ACSS3: variants seen among roughly 807,000 people sequenced by gnomAD.
ACSS3 encodes acyl-CoA synthetase short-chain family member 3, mitochondrial.
In ACSS3, 64 loss-of-function variants were observed where a neutral mutation model predicts 84.2. The ratio of observed to expected loss-of-function variants is 0.76; its 90% CI spans 0.62 to 0.94. The LOEUF (loss-of-function observed/expected upper bound fraction) is 0.94, where lower values mean the gene tolerates loss of function less well. Among genes scored for constraint, ACSS3 ranks in the 40% least tolerant of loss-of-function variants. The pLI is 0.00. For synonymous variants in ACSS3, 317 were observed against 310.1 expected (o/e 1.02, Z -0.23); for missense variants, 815 against 867.6 (o/e 0.94, Z 0.76).
chr12:81,082,612 C>G (rs553323140), intron 1 of ACSS3, among the ~76,000 whole-genome samples: 1 of 152,154 alleles, frequency 6.6e-6, no homozygotes, highest in African/African-American at 2.4e-5. Flanking sequence ...AGAAAATTAT[C>G]TTGAGATGGA....
chr12:81,129,846 A>G (rs1008227039), intron 2 of ACSS3, among the ~76,000 whole-genome samples: 2 of 138,566 alleles, frequency 1.4e-5, no homozygotes, highest in African/African-American at 5.5e-5. Flanking sequence ...TCATTGTTCA[A>G]TTCCCACCTA....
rs146691767 is a variant in ACSS3 at position 81,218,546 on chromosome 12, A to G, written c.1451-1467A>G. 1.9e-3 allele frequency among the ~76,000 whole-genome samples: 294 copies of G among 152,272 alleles called. 1 individual carries two copies. The highest frequency in any genetic ancestry group is 6.9e-3 in the African/African-American group (286 of 41,564). On this transcript the variant is annotated intron_variant, in intron 10 of 15. Transcript: ENST00000548058. ...AGATTTTTTTTTTATTCAAGGCGGAAATAGATATTCTGTGAAGTCAGTGAC... is the reference window on the plus strand; with the variant it reads ...AGATTTTTTTTTTATTCAAGGCGGAGATAGATATTCTGTGAAGTCAGTGAC...
intron 8 of ACSS3, among the ~76,000 whole-genome samples, chr12:81,195,950 A>T (rs2031806047): frequency 6.6e-6 from 1 of 152,132 alleles, no homozygotes; most frequent in Admixed American, 6.6e-5. Flanking sequence ...AGTGGATTGT[A>T]CCATTATGTG....
chr12:81,199,618 C>G, intron 9 of ACSS3, 174 bp downstream of exon 9: 1 of 1,497,324 alleles, frequency 6.7e-7, no homozygotes, highest in South Asian at 1.2e-5. Context: ...TTAATAATGT[C>G]TTCATAAGTG....
intron 2 of ACSS3, chr12:81,125,611 T>C (rs575999442): frequency 6.6e-6 from 1 of 152,318 alleles, no homozygotes; most frequent in East Asian, 1.9e-4. Context: ...TCTTTTTCCA[T>C]TTTACACATC....
chr12:81,197,528 CA>C (rs2031895100), intron 8 of ACSS3, among the ~76,000 whole-genome samples: 1 of 152,140 alleles, frequency 6.6e-6, no homozygotes, highest in Admixed American at 6.6e-5. Context: ...ATCAACAAGT[CA>C]CAGACTTTCT....
rs183000871 is a variant in ACSS3 at position 81,151,831 on chromosome 12, T to C, written c.922-13T>C. ...TTGTTTATTGATTTTAATTTCACTTTTTCTCTCCTTAGGGTGTGATTAGGC... is the reference window on the plus strand; with the variant it reads ...TTGTTTATTGATTTTAATTTCACTTCTTCTCTCCTTAGGGTGTGATTAGGC... On this transcript the variant is annotated splice_polypyrimidine_tract_variant and intron_variant, in intron 5 of 15. Transcript: ENST00000548058. 2.2e-5 allele frequency: 35 copies of C among 1,607,178 alleles called. No individual in the cohort carries two copies. The Admixed American group carries it at 5.8e-4, about 26-fold the overall frequency.
At chr12:81,081,777 A>G (rs1422031857) in intron 1 of ACSS3, among the ~76,000 whole-genome samples, 1 of 152,248 alleles carries the variant, frequency 6.6e-6, no homozygotes, top group Non-Finnish European at 1.5e-5. Context: ...CAGTGACTAT[A>G]AACCAAAAAG....
intron 1 of ACSS3, among the ~76,000 whole-genome samples, chr12:81,107,511 CATATATATATATATATATATAT>C (rs566270568): frequency 0.033 from 1,272 of 38,846 alleles, 87 homozygotes; most frequent in African/African-American, 0.095. Flanking sequence ...CAAATATATA[CATATATATATATATATATATAT>C]ATATATATAT....
At position 81,216,967 on chromosome 12, in the gene ACSS3, A is replaced by G. The variant is rs1407358229; in HGVS notation, c.1421A>G (p.Gln474Arg). 5 of 1,610,908 alleles carry G rather than the reference A, an allele frequency of 3.1e-6. No homozygotes were observed. Among genetic ancestry groups the G allele is most frequent in the Non-Finnish European group, 4.2e-6 (5 of 1,177,732 alleles). The stretch of plus-strand genomic sequence containing the variant: ...AATTCTAAAACACCTCCACCAGGGC[A>G]AGCAGGAAAAAGCGTCCCAGGATAC... ...LGNSKTPPPGQAGKSVPGYNV... is the reference protein window; with the variant it reads ...LGNSKTPPPGRAGKSVPGYNV... Residue 474 changes from glutamine (Q) to arginine (R), a missense_variant, in exon 10 of 16, where the codon CAA (glutamine) becomes CGA (arginine). Transcript: ENST00000548058.
At chr12:81,230,488 G>A (rs916106102) in intron 11 of ACSS3, among the ~76,000 whole-genome samples, 7 of 151,790 alleles carry the variant, frequency 4.6e-5, no homozygotes, top group African/African-American at 9.7e-5. Context: ...GCATTTCCAT[G>A]TGTTTATAGA....
Position 81,253,342 on chromosome 12 carries a change from T to C in ACSS3, c.1755T>C (p.Ala585=). The C allele has an allele frequency of 6.2e-7, 1 of 1,614,032 alleles. No individual in the cohort carries two copies. The highest frequency in any genetic ancestry group is 1.1e-5 in the South Asian group (1 of 91,082). The change falls in exon 14 of 16, where the codon GCT becomes GCC. Residue 585 remains alanine (A), a synonymous_variant. Coordinates refer to ENST00000548058, the MANE Select transcript of ACSS3 (RefSeq NM_024560.4). ...CCCATGGTACCGTGGCAGACTGTGC[T>C]GTTGTTGGCAAGGAAGATCCCTTAA... The part of the protein sequence containing the change: ...ILSHGTVADC[A]VVGKEDPLKG...
At chr12:81,151,389 T>C (rs1478036950) in intron 5 of ACSS3, among the ~76,000 whole-genome samples, 4 of 152,194 alleles carry the variant, frequency 2.6e-5, no homozygotes, top group Non-Finnish European at 5.9e-5. Context: ...AATATGACTT[T>C]GTTTCCTCCA....
intron 7 of ACSS3, among the ~76,000 whole-genome samples, chr12:81,171,390 A>G (rs2030033482): frequency 6.6e-6 from 1 of 152,148 alleles, no homozygotes; most frequent in South Asian, 2.1e-4. Context: ...TGAATTTGAC[A>G]TTGAATAGAA....
chr12:81,200,301 C>G (rs754019537), intron 9 of ACSS3, among the ~76,000 whole-genome samples: 19 of 152,272 alleles, frequency 1.2e-4, no homozygotes, highest in Admixed American at 4.6e-4. Context: ...AGCCCTACAA[C>G]CTTTATATGT....
chr12:81,153,669 T>C (rs1419544758), intron 7 of ACSS3, among the ~76,000 whole-genome samples: 1 of 152,104 alleles, frequency 6.6e-6, no homozygotes, highest in African/African-American at 2.4e-5. Flanking sequence ...CAGACAAGGA[T>C]TGTGAAGTAA....
At chr12:81,213,834 T>TTCTCA (rs2032743112) in intron 9 of ACSS3, among the ~76,000 whole-genome samples, 2 of 101,324 alleles carry the variant, frequency 2.0e-5, no homozygotes, top group Admixed American at 2.1e-4. Context: ...TTCTCTTCTC[T>TTCTCA]TCTCTTCTCT....
chr12:81,149,713 A>C (rs1469307214), intron 5 of ACSS3, among the ~76,000 whole-genome samples: 1 of 152,038 alleles, frequency 6.6e-6, no homozygotes, highest in Non-Finnish European at 1.5e-5. Flanking sequence ...GGCTCTTCTC[A>C]CTCCTTCAGC....
chr12:81,096,599 C>T (rs1882070505), intron 1 of ACSS3, among the ~76,000 whole-genome samples: 1 of 152,144 alleles, frequency 6.6e-6, no homozygotes, highest in African/African-American at 2.4e-5. Context: ...TTAGGTATTT[C>T]TCCTAACGCT....
Sources: allele counts gnomAD v4.1 joint callset (sites outside exome capture counted in the v4.1 genomes callset), GRCh38; gene constraint gnomAD v4.1.1; transcripts MANE v1.5; gene names NCBI Gene and HGNC (gene_info 2026-07-23, HGNC 2026-07-21).